Variants in RORA observed in about 807,000 individuals in gnomAD.
The protein encoded by RORA is nuclear receptor ROR-alpha.
RORA carries 7 observed loss-of-function variants against 69.5 expected under a neutral mutation model. The ratio of observed to expected loss-of-function variants is 0.10; its 90% CI spans 0.06 to 0.19. The LOEUF (loss-of-function observed/expected upper bound fraction) is 0.19, where lower values mean the gene tolerates loss of function less well. Among genes scored for constraint, RORA ranks in the 10% least tolerant of loss-of-function variants. The pLI is 1.00. For synonymous variants in RORA, 261 were observed against 240.8 expected, an observed-to-expected ratio of 1.08 and a Z score of -0.78; for missense variants, 457 against 663.0, an observed-to-expected ratio of 0.69 and a Z score of 3.41.
At chr15:60,959,173 A>G (rs1893349169) in intron 1 of RORA, among the ~76,000 whole-genome samples, 1 of 152,228 alleles carries the variant, frequency 6.6e-6, no homozygotes, top group Non-Finnish European at 1.5e-5. Flanking sequence ...AGGAATAGAA[A>G]TTGTTTCTTT....
At chr15:61,106,239 A>G (rs2078947352) in intron 1 of RORA, among the ~76,000 whole-genome samples, 1 of 152,226 alleles carries the variant, frequency 6.6e-6, no homozygotes, top group South Asian at 2.1e-4. Context: ...ACTAGAGAGG[A>G]TGAAAAATAT....
At chr15:60,715,069 C>T (rs1363202677) in intron 1 of RORA, among the ~76,000 whole-genome samples, 1 of 152,166 alleles carries the variant, frequency 6.6e-6, no homozygotes, top group Non-Finnish European at 1.5e-5. Context: ...TTGGAAAGTG[C>T]TGGGCCTTGT....
intron 1 of RORA, chr15:61,039,099 C>T (rs1051978557): frequency 1.3e-5 from 2 of 152,190 alleles, no homozygotes; most frequent in Non-Finnish European, 2.9e-5. Flanking sequence ...GGGGTTAGCT[C>T]GTCCTTGGCC....
At position 61,001,608 on chromosome 15, in the gene RORA, T is replaced by C. The variant is rs531039673; in HGVS notation, c.166+227445A>G. The stretch of plus-strand genomic sequence containing the variant: ...ATTGTGGAGTCACTCTTTCAACAAG[T>C]ATCTCCTGAGTGCCGGCTCTGTCCT... On this transcript the variant is annotated intron_variant, in intron 1 of 10. Coordinates refer to ENST00000335670, the MANE Select transcript of RORA (RefSeq NM_134261.3). Among the ~76,000 whole-genome samples the C allele has an allele frequency of 2.4e-3, 361 of 152,330 alleles. 4 individuals carry two copies. The highest frequency in any genetic ancestry group is 8.3e-3 in the African/African-American group (344 of 41,564).
chr15:61,141,464 T>G (rs140735042), intron 1 of RORA, among the ~76,000 whole-genome samples: 1 of 152,158 alleles, frequency 6.6e-6, no homozygotes, highest in African/African-American at 2.4e-5. Context: ...TCTAGAAAAG[T>G]GGCAAAATGA....
At chr15:60,917,905 T>G (rs746149723) in intron 1 of RORA, among the ~76,000 whole-genome samples, 1 of 152,246 alleles carries the variant, frequency 6.6e-6, no homozygotes, top group Non-Finnish European at 1.5e-5. Flanking sequence ...TCTGCTATAG[T>G]GCTTCACACC....
chr15:60,965,545 G>C (rs1893531022), intron 1 of RORA, among the ~76,000 whole-genome samples: 1 of 152,132 alleles, frequency 6.6e-6, no homozygotes, highest in Non-Finnish European at 1.5e-5. Context: ...TAATATATCT[G>C]AGCAGAAGAA....
intron 1 of RORA, among the ~76,000 whole-genome samples, chr15:60,859,655 C>CTTT (rs71122880): frequency 3.4e-4 from 35 of 101,588 alleles, no homozygotes; most frequent in African/African-American, 1.1e-3. Flanking sequence ...TTCTTTCTTT[C>CTTT]TTTTTTTTTT....
rs146163797 is a variant in RORA, at chr15:60,661,633, T to G, written c.196+17024A>C. 5.8e-4 allele frequency among the ~76,000 whole-genome samples: 88 copies of G among 152,260 alleles called. 1 individual carries two copies. Among genetic ancestry groups the G allele is most frequent in the African/African-American group, 2.1e-3 (88 of 41,566 alleles). On this transcript the variant is annotated intron_variant, in intron 2 of 10. Coordinates refer to ENST00000335670, the MANE Select transcript of RORA (RefSeq NM_134261.3). ...AAGGGGAAGAATAATCTCAATTAACTTCACTATCAACCTGAAAGGGCCCCC... is the reference window on the plus strand; with the variant it reads ...AAGGGGAAGAATAATCTCAATTAACGTCACTATCAACCTGAAAGGGCCCCC...
At chr15:60,845,789 C>A (rs969501404) in intron 1 of RORA, among the ~76,000 whole-genome samples, 3 of 152,184 alleles carry the variant, frequency 2.0e-5, no homozygotes, top group African/African-American at 4.8e-5. Flanking sequence ...CTCTGTCGCC[C>A]AGGCTGCAGT....
chr15:61,044,433 T>C (rs137862878), intron 1 of RORA, among the ~76,000 whole-genome samples: 1 of 152,188 alleles, frequency 6.6e-6, no homozygotes, highest in Non-Finnish European at 1.5e-5. Flanking sequence ...CAGCCACCTG[T>C]GGCCACCGAG....
chr15:60,811,177 G>A (rs1466891271), intron 1 of RORA, among the ~76,000 whole-genome samples: 1 of 152,200 alleles, frequency 6.6e-6, no homozygotes, highest in Non-Finnish European at 1.5e-5. Context: ...TCTAGCTCAG[G>A]AGAGGGATGG....
chr15:61,077,106 T>C (rs2078463052), intron 1 of RORA, among the ~76,000 whole-genome samples: 1 of 152,028 alleles, frequency 6.6e-6, no homozygotes. Flanking sequence ...AGGACGCTGT[T>C]AAGTAGAATG....
At chr15:60,864,137 G>A (rs904759187) in intron 1 of RORA, among the ~76,000 whole-genome samples, 2 of 152,202 alleles carry the variant, frequency 1.3e-5, no homozygotes, top group Non-Finnish European at 2.9e-5. Context: ...TGTAGGAGGA[G>A]GCGGACAACT....
chr15:61,136,284 T>TC (rs1249247239), intron 1 of RORA, among the ~76,000 whole-genome samples: 1 of 152,044 alleles, frequency 6.6e-6, no homozygotes, highest in Admixed American at 6.6e-5. Context: ...ATATACCATT[T>TC]CCCCCCATTT....
intron 1 of RORA, among the ~76,000 whole-genome samples, chr15:61,151,311 G>C (rs2079396140): frequency 6.6e-6 from 1 of 152,238 alleles, no homozygotes. Context: ...TCTAAATACA[G>C]TGCTCTTCCA....
chr15:60,736,719 C>T (rs1027138743), intron 1 of RORA: 1 of 152,178 alleles, frequency 6.6e-6, no homozygotes, highest in Admixed American at 6.5e-5. Context: ...CTCTACCTTG[C>T]TCAGTCTAAA....
At chr15:60,636,028 A>G (rs961238100) in intron 2 of RORA, among the ~76,000 whole-genome samples, 1 of 152,134 alleles carries the variant, frequency 6.6e-6, no homozygotes, top group African/African-American at 2.4e-5. Flanking sequence ...CCATTTTTAA[A>G]ATGCCGAAAG....
intron 1 of RORA, among the ~76,000 whole-genome samples, chr15:60,888,970 C>T (rs1168315472): frequency 6.6e-6 from 1 of 152,196 alleles, no homozygotes; most frequent in Non-Finnish European, 1.5e-5. Context: ...AACAATGCGT[C>T]TTCAATTGTA....
Sources: allele counts gnomAD v4.1 joint callset (sites outside exome capture counted in the v4.1 genomes callset), GRCh38; gene constraint gnomAD v4.1.1; transcripts MANE v1.5; gene names NCBI Gene and HGNC (gene_info 2026-07-23, HGNC 2026-07-21).